The following MTMR4 variants were observed in gnomAD, a reference collection of about 807,000 sequenced individuals.
MTMR4 encodes the protein myotubularin related protein 4, also known as phosphatidylinositol-3,5-bisphosphate 3-phosphatase MTMR4.
MTMR4 carries 30 observed loss-of-function variants against 125.5 expected under a neutral mutation model. The ratio of observed to expected loss-of-function variants is 0.24; its 90% CI spans 0.18 to 0.32. The LOEUF (loss-of-function observed/expected upper bound fraction) is 0.32. MTMR4 is among the 10% of genes least tolerant of loss of function. The pLI, the probability that MTMR4 is intolerant of heterozygous loss-of-function variation, is 1.00. For missense variants in MTMR4, 1,039 were observed against 1,511.5 expected (o/e 0.69, Z 5.18); for synonymous variants, 498 against 564.5 (o/e 0.88, Z 1.67).
chr17:58,515,113 A>C, upstream of MTMR4: 1 of 941,180 alleles, frequency 1.1e-6, no homozygotes, highest in Non-Finnish European at 1.3e-6. Flanking sequence ...TTTTATTCCA[A>C]CGCCCCTACC....
chr17:58,514,692 G>A (rs1192519773), upstream of MTMR4: 3 of 983,206 alleles, frequency 3.1e-6, no homozygotes, highest in Non-Finnish European at 3.6e-6. Flanking sequence ...GGTAGAGGCG[G>A]GGCGGCTCCG....
rs1196270872 is a variant in MTMR4, at chr17:58,502,305, C to G, written c.1853+1439G>C. 2.0e-5 allele frequency among the ~76,000 whole-genome samples: 3 copies of G among 151,680 alleles called. No homozygotes were observed. In the East Asian group the frequency reaches 5.8e-4, roughly 30 times the overall value. ...CCTGAGTAGATGGGATTACAGGTGC[C>G]TGCCACCATGCCCGGCTAATTTTTG... On this transcript the variant is annotated intron_variant, in intron 14 of 17. Coordinates refer to ENST00000682306, the MANE Select transcript of MTMR4 (RefSeq NM_001378067.1).
At chr17:58,506,903 C>A in intron 8 of MTMR4, 32 bp from the exon 9 acceptor site, 2 of 1,601,936 alleles carry the variant, frequency 1.2e-6, no homozygotes, top group South Asian at 2.2e-5. Context: ...GTCCCTGAGT[C>A]AGCCAGCCAC....
rs964666445 is a variant in MTMR4 at position 58,504,769 on chromosome 17, C to T, written c.1341+10G>A. ...TCCTTCTGGTTTTCCCACCGAATTC[C>T]TCTCAATACCTCCAACGTCCTGTAA... is the stretch of plus-strand genomic sequence containing the variant. On this transcript the variant is annotated intron_variant, in intron 11 of 17. Transcript: ENST00000682306. The surrounding 1 kb of genome is among the most constrained non-coding windows in gnomAD (Gnocchi z 7.1). The T allele has an allele frequency of 6.3e-7, 1 of 1,587,724 alleles. No homozygotes were observed. Among genetic ancestry groups the T allele is most frequent in the African/African-American group, 1.3e-5 (1 of 74,468 alleles).
chr17:58,508,146 G>T lies in MTMR4; in HGVS notation c.707+15C>A. ...TAAGAAATGGCCTCCCTACTTCCCA[G>T]CCCCACTGCCTCACCTATACACAAC... is the stretch of plus-strand genomic sequence containing the variant. On this transcript the variant is annotated intron_variant, in intron 7 of 17. Coordinates refer to ENST00000682306, the MANE Select transcript of MTMR4 (RefSeq NM_001378067.1). This position sits in a 1 kb window ranked among gnomAD's most constrained non-coding sequence, Gnocchi z 4.8. 6.2e-7 allele frequency: 1 copy of T among 1,600,780 alleles called. No homozygotes were observed. The highest frequency in any genetic ancestry group is 8.6e-7 in the Non-Finnish European group (1 of 1,168,960).
intron 15 of MTMR4, among the ~76,000 whole-genome samples, chr17:58,493,881 T>A (rs138701771): frequency 2.0e-5 from 3 of 152,280 alleles, no homozygotes; most frequent in African/African-American, 7.2e-5. Flanking sequence ...AGCTGGCTCC[T>A]AGAAGCTCCC....
At position 58,495,854 on chromosome 17, in the gene MTMR4, G is replaced by A. The variant is rs1975450801; in HGVS notation, c.2330C>T (p.Ala777Val). The A allele has an allele frequency of 6.2e-7, 1 of 1,614,024 alleles. No homozygotes were observed. The highest frequency in any genetic ancestry group is 8.5e-7 in the Non-Finnish European group (1 of 1,180,028). Residue 777 changes from alanine (A) to valine (V), a missense_variant, in exon 15 of 18, where the codon GCA becomes GTA. Transcript: ENST00000682306. The stretch of plus-strand genomic sequence containing the variant: ...CTTGTTAGAAATGACCTTGGAGAGT[G>A]CACTGACAGCTTCTGTTTCAGGACA... ...EHCPETEAVS[A>V]LSKVISNKCD...
chr17:58,515,568 G>A (rs1462568470), upstream of MTMR4, among the ~76,000 whole-genome samples: 1 of 152,170 alleles, frequency 6.6e-6, no homozygotes, highest in Non-Finnish European at 1.5e-5. Context: ...TGTCTTACTC[G>A]TGAGACTCAA....
intron 7 of MTMR4, among the ~76,000 whole-genome samples, 177 bp from the exon 8 acceptor site, chr17:58,507,496 C>T (rs1975809381): frequency 6.6e-6 from 1 of 152,228 alleles, no homozygotes; most frequent in African/African-American, 2.4e-5. Context: ...AGCACCATCA[C>T]ACATACTTTC....
chr17:58,507,346 C>T (rs750473058), intron 7 of MTMR4, 27 bp from the exon 8 acceptor site: 26 of 1,602,168 alleles, frequency 1.6e-5, no homozygotes, highest in Non-Finnish European at 2.1e-5. Context: ...AACCGTAATG[C>T]CCTTGGCATT....
rs759207591 is a variant in MTMR4, at chr17:58,495,368, C to G, written c.2816G>C (p.Arg939Pro). ...TSFPSGEATP[R>P]RLLSYGCCSK... ...ACAACAGCCATAGGAAAGCAGCCGC[C>G]GAGGGGTGGCCTCCCCACTTGGGAA... The change falls in exon 15 of 18, where the codon CGG (arginine) becomes CCG (proline). Residue 939 changes from arginine to proline, a missense_variant. This residue lies in a region of MTMR4 where 619 missense variants were observed against 714.5 expected (regional missense o/e 0.87). Coordinates refer to ENST00000682306, the MANE Select transcript of MTMR4 (RefSeq NM_001378067.1). The G allele has an allele frequency of 1.2e-6, 2 of 1,614,216 alleles. No individual in the cohort carries two copies. The highest frequency in any genetic ancestry group is 3.3e-5 in the Admixed American group (2 of 60,036).
intron 14 of MTMR4, 64 bp downstream of exon 14, chr17:58,503,680 G>A: frequency 6.6e-7 from 1 of 1,514,994 alleles, no homozygotes; most frequent in South Asian, 1.3e-5. Context: ...ACATTTAGAT[G>A]AGATGGGAAA....
At chr17:58,513,097 G>A (rs1179686746) in intron 1 of MTMR4, among the ~76,000 whole-genome samples, 156 bp from the exon 2 acceptor site, 2 of 152,188 alleles carry the variant, frequency 1.3e-5, no homozygotes, top group Non-Finnish European at 2.9e-5. Context: ...GACTTGGTTG[G>A]AGACAGGGAA....
Position 58,508,915 on chromosome 17 carries a change from ACAGCCACAGGAAGG to A in MTMR4, c.336-88_336-75del, listed in dbSNP as rs1975852351. 1 of 1,526,228 alleles carries A rather than the reference ACAGCCACAGGAAGG, an allele frequency of 6.6e-7. No homozygotes were observed. The highest frequency in any genetic ancestry group is 1.4e-5 in the African/African-American group (1 of 73,086). 94.5% of individuals were successfully genotyped at this position (1,526,228 alleles called of 1,614,324 possible). On this transcript the variant is annotated intron_variant, in intron 4 of 17. Transcript: ENST00000682306. This position sits in a 1 kb window ranked among gnomAD's most constrained non-coding sequence, Gnocchi z 4.8. ...CCATGGGGCTATCAGGGCCAAAAAC[ACAGCCACAGGAAGG>A]CTGTGAGGAGAGAAGGCTGCAAAGC...
chr17:58,515,046 T>C, upstream of MTMR4: 2 of 985,332 alleles, frequency 2.0e-6, no homozygotes, highest in Non-Finnish European at 2.4e-6. Flanking sequence ...AACCTTTCTT[T>C]CCCCTTAGAA....
In MTMR4 at chr17:58,495,024, G is replaced by A. The variant is rs1975417434; in HGVS notation, c.3160C>T (p.Arg1054Cys). Residue 1054 changes from arginine to cysteine, a missense_variant, in exon 15 of 18, where the codon CGT becomes TGT. Arg to Cys is a radical substitution (Grantham distance 180). Transcript: ENST00000682306. ...AGYKQEVEQLRRQVRELQMRL... is the reference protein window; with the variant it reads ...AGYKQEVEQLCRQVRELQMRL... ...ATCTGAAGCTCACGCACCTGTCGAC[G>A]TAGCTGCTCCACCTCTTGTTTGTAC... The A allele has an allele frequency of 2.5e-6, 4 of 1,614,110 alleles. No individual in the cohort carries two copies. The highest frequency in any genetic ancestry group is 2.2e-5 in the East Asian group (1 of 44,900).
chr17:58,498,581 A>G (rs1434307271), intron 14 of MTMR4, among the ~76,000 whole-genome samples: 2 of 145,736 alleles, frequency 1.4e-5, no homozygotes, highest in Admixed American at 1.4e-4. Context: ...GAGAAGAAGG[A>G]GAAGAAGAAG....
At position 58,504,414 on chromosome 17, in the gene MTMR4, C is replaced by A. The variant is rs147891777; in HGVS notation, c.1416G>T (p.Glu472Asp). Residue 472 changes from glutamate (E) to aspartate (D), a missense_variant, in exon 12 of 18, where the codon GAG (glutamate) becomes GAT (aspartate). Around this residue, in one of 6 missense-constraint regions of MTMR4, gnomAD observed 107 missense variants for 267.4 expected, o/e 0.40. Transcript: ENST00000682306. The surrounding 1 kb of genome is among the most constrained non-coding windows in gnomAD (Gnocchi z 7.1). ...HKFGDRCGHQENVEDQNEQCP... is the reference protein window; with the variant it reads ...HKFGDRCGHQDNVEDQNEQCP... ...ATTGTTCGTTTTGGTCCTCCACATT[C>A]TCTTGGTGGCCACAGCGATCTCCAA... is the stretch of plus-strand genomic sequence containing the variant. 9 of 1,614,066 alleles carry A rather than the reference C, an allele frequency of 5.6e-6. No homozygotes were observed. In the African/African-American group the frequency reaches 1.1e-4, roughly 19 times the overall value.
chr17:58,495,052 T>G lies in MTMR4; in HGVS notation c.3132A>C (p.Ala1044=). The stretch of plus-strand genomic sequence containing the variant: ...GCTGCTCCACCTCTTGTTTGTACCC[T>G]GCTTCGATTTGCCGTAACCTATGCT... ...VIQHRLRQIE[A]GYKQEVEQLR... Residue 1044 remains alanine, a synonymous_variant, in exon 15 of 18, where the codon GCA becomes GCC. Coordinates refer to ENST00000682306, the MANE Select transcript of MTMR4 (RefSeq NM_001378067.1). The G allele has an allele frequency of 6.2e-7, 1 of 1,614,222 alleles. No individual in the cohort carries two copies. Among genetic ancestry groups the G allele is most frequent in the Non-Finnish European group, 8.5e-7 (1 of 1,180,034 alleles).
Sources: gnomAD v4.1 joint callset for allele counts (sites outside exome capture counted in the v4.1 genomes callset) on GRCh38, gnomAD v4.1.1 for gene constraint, gnomAD v4.1.1 regional missense constraint, Gnocchi (gnomAD v3.1) non-coding constraint, MANE v1.5 for transcripts, NCBI Gene and HGNC (gene_info 2026-07-23, HGNC 2026-07-21) for gene names.